The following OSBPL9 variants were observed in gnomAD, a reference collection of about 807,000 sequenced individuals.
The protein encoded by OSBPL9 is oxysterol-binding protein-related protein 9.
Under a neutral mutation model 106.6 loss-of-function variants are expected in OSBPL9, and 40 were observed. The observed-to-expected ratio is 0.38, with a 90% confidence interval of 0.29 to 0.49. The LOEUF is 0.49. Ranked by LOEUF, OSBPL9 falls within the 20% of genes least tolerant of loss-of-function variation. The pLI, the probability that OSBPL9 is intolerant of heterozygous loss-of-function variation, is 0.97. For synonymous variants in OSBPL9, 269 were observed against 295.4 expected, an observed-to-expected ratio of 0.91 and a Z score of 0.92; for missense variants, 609 against 887.2, an observed-to-expected ratio of 0.69 and a Z score of 3.98.
intron 3 of OSBPL9, among the ~76,000 whole-genome samples, chr1:51,701,964 A>G (rs552663674): frequency 6.6e-6 from 1 of 152,302 alleles, no homozygotes; most frequent in African/African-American, 2.4e-5. Flanking sequence ...ATGTCCCTAC[A>G]AAGGACATGA....
At position 51,715,723 on chromosome 1, in the gene OSBPL9, C is replaced by T. The variant is rs115879314; in HGVS notation, c.318+1644C>T. Among the ~76,000 whole-genome samples, 1,034 of 152,322 alleles carry T rather than the reference C, an allele frequency of 6.8e-3. 2 individuals are homozygous for T. Among genetic ancestry groups the T allele is most frequent in the Non-Finnish European group, 0.011 (762 of 68,034 alleles). On this transcript the variant is annotated intron_variant, in intron 4 of 23. Coordinates refer to ENST00000428468, the MANE Select transcript of OSBPL9 (RefSeq NM_024586.6). ...TGTAGGCATTTCTGCCACTATACCC[C>T]TACATAAACCTAGAGTGCTATTGCT...
Position 51,617,208 on chromosome 1 carries a change from T to G in OSBPL9, c.98T>G (p.Leu33Arg). Residue 33 changes from leucine (L) to arginine (R), a missense_variant, in exon 1 of 24, where the codon CTC becomes CGC. By Grantham distance (102) the Leu-to-Arg change is moderately radical. Coordinates refer to ENST00000428468, the MANE Select transcript of OSBPL9 (RefSeq NM_024586.6). ...GTGCTGGACTACAATGCAGGACTGC[T>G]CTCCTACTACACGGTGAGTCCTTGG... ...WFVLDYNAGL[L>R]SYYTSKDKMM... The G allele has an allele frequency of 1.2e-6, 2 of 1,612,440 alleles. No homozygotes were observed. Among genetic ancestry groups the G allele is most frequent in the Non-Finnish European group, 1.7e-6 (2 of 1,179,318 alleles).
chr1:51,728,567 GC>G (rs1187938318), intron 4 of OSBPL9, among the ~76,000 whole-genome samples: 10 of 152,166 alleles, frequency 6.6e-5, no homozygotes, highest in African/African-American at 2.4e-4. Flanking sequence ...AGAGTACCCA[GC>G]TTTTAGAGTG....
intron 3 of OSBPL9, among the ~76,000 whole-genome samples, chr1:51,683,217 G>C (rs1020541853): frequency 1.3e-5 from 2 of 151,750 alleles, no homozygotes; most frequent in African/African-American, 4.8e-5. Flanking sequence ...TTTCGCTCTT[G>C]TTGCCCAGGC....
At chr1:51,767,934 GTCTT>G in intron 12 of OSBPL9, among the ~76,000 whole-genome samples, 1 of 104,688 alleles carries the variant, frequency 9.6e-6, no homozygotes, top group Non-Finnish European at 1.9e-5. Flanking sequence ...ATTAAAGACC[GTCTT>G]TTTTTTTTTT....
intron 21 of OSBPL9, 64 bp from the exon 22 acceptor site, chr1:51,786,462 A>T: frequency 9.3e-7 from 1 of 1,070,990 alleles, no homozygotes; most frequent in Non-Finnish European, 1.4e-6. Context: ...AAGCACTACA[A>T]TGCATCTAAC....
chr1:51,579,420 C>T lies in OSBPL9; in HGVS notation c.-423+2164C>T, dbSNP rs527554165. On this transcript the variant is annotated intron_variant, in intron 1 of 25. Transcript: ENST00000371714. ...TTTCTGGGCACCTAGTCCTTAGCCT[C>T]AGACAGATTAGATCCATTAGAAATG... 3.3e-4 allele frequency among the ~76,000 whole-genome samples: 51 copies of T among 152,310 alleles called. 1 individual carries two copies. Among genetic ancestry groups the T allele is most frequent in the African/African-American group, 1.2e-3 (51 of 41,562 alleles).
At position 51,585,863 on chromosome 1, in the gene OSBPL9, G is replaced by GTTT. The variant is rs58651352; in HGVS notation, c.-423+8617_-423+8619dup. Among the ~76,000 whole-genome samples the GTTT allele has an allele frequency of 4.8e-3, 710 of 146,578 alleles. 3 individuals are homozygous for GTTT. The highest frequency in any genetic ancestry group is 8.0e-3 in the Non-Finnish European group (527 of 66,206). ...CAAACAGTTCTCTTAATTTTTAATA[G>GTTT]TTTTTTTTTTTTAATTAAAAGGGTA... On this transcript the variant is annotated intron_variant, in intron 1 of 25. Coordinates refer to the OSBPL9 transcript ENST00000371714.
intron 1 of OSBPL9, among the ~76,000 whole-genome samples, chr1:51,650,203 T>A (rs560185603): frequency 9.8e-5 from 15 of 152,302 alleles, no homozygotes; most frequent in Admixed American, 3.9e-4. Context: ...GTTGTTTAAT[T>A]TGTAACCCTA....
intron 1 of OSBPL9, among the ~76,000 whole-genome samples, chr1:51,628,811 G>T (rs1644933556): frequency 6.6e-6 from 1 of 151,038 alleles, no homozygotes; most frequent in South Asian, 2.1e-4. Context: ...AGGCTCCTGG[G>T]TAGCTGGGAT....
chr1:51,687,344 C>G (rs912818900), intron 3 of OSBPL9, among the ~76,000 whole-genome samples: 10 of 151,998 alleles, frequency 6.6e-5, no homozygotes, highest in African/African-American at 2.4e-4. Flanking sequence ...TTTTAACAAC[C>G]CAAAAGATAA....
chr1:51,518,537 G>A, the OSBPL9 span: 1 of 152,852 alleles, frequency 6.5e-6, no homozygotes, highest in Non-Finnish European at 1.5e-5. Flanking sequence ...ACCTGATCAG[G>A]AGGGGGGAGA....
At chr1:51,547,345 G>A in the OSBPL9 span, among the ~76,000 whole-genome samples, 1 of 152,148 alleles carries the variant, frequency 6.6e-6, no homozygotes, top group South Asian at 2.1e-4. Flanking sequence ...TACACAGCAA[G>A]ATGAAGGCAT....
At chr1:51,696,112 A>G (rs1655967224) in intron 3 of OSBPL9, among the ~76,000 whole-genome samples, 1 of 152,206 alleles carries the variant, frequency 6.6e-6, no homozygotes, top group Non-Finnish European at 1.5e-5. Flanking sequence ...TGGTGTATGT[A>G]TTTATATATT....
In OSBPL9 at chr1:51,788,424, T is replaced by C. The variant is rs1430306745; in HGVS notation, c.*635T>C. 1.3e-5 allele frequency: 2 copies of C among 152,628 alleles called. No homozygotes were observed. Among genetic ancestry groups the C allele is most frequent in the Non-Finnish European group, 2.9e-5 (2 of 68,050 alleles). The allele number at this position is 152,628 out of a possible 1,614,324, so 9.5% of individuals were successfully genotyped here. On this transcript the variant is annotated 3_prime_UTR_variant, in exon 24 of 24. Transcript: ENST00000428468. ...TTACAGTTTAATTAATTATTCTTAG[T>C]GCTTAAGGCTTCATAAAGTAATTTT...
upstream of OSBPL9, among the ~76,000 whole-genome samples, chr1:51,576,227 C>T (rs1645182985): frequency 6.6e-6 from 1 of 152,234 alleles, no homozygotes; most frequent in Non-Finnish European, 1.5e-5. Context: ...CCGTCTCTTT[C>T]AAGGTCATGG....
the OSBPL9 span, among the ~76,000 whole-genome samples, chr1:51,570,896 A>G: frequency 1.3e-5 from 2 of 151,906 alleles, no homozygotes; most frequent in Non-Finnish European, 2.9e-5. Flanking sequence ...ATCTCGGCTC[A>G]CTGCAACCTC....
intron 4 of OSBPL9, chr1:51,730,077 G>C: frequency 1.1e-5 from 14 of 1,268,192 alleles, no homozygotes; most frequent in Non-Finnish European, 1.3e-5. Flanking sequence ...CGCCAGGCCG[G>C]AGCGCGAATG....
intron 3 of OSBPL9, among the ~76,000 whole-genome samples, chr1:51,673,785 C>G (rs1346347950): frequency 6.6e-6 from 1 of 152,136 alleles, no homozygotes; most frequent in African/African-American, 2.4e-5. Flanking sequence ...CAGAGGACCA[C>G]TTGAGCCCAG....
Sources: allele counts gnomAD v4.1 joint callset (sites outside exome capture counted in the v4.1 genomes callset), GRCh38; gene constraint gnomAD v4.1.1; transcripts MANE v1.5; gene names NCBI Gene and HGNC (gene_info 2026-07-23, HGNC 2026-07-21).